The following SRGAP1 variants were observed in gnomAD, a reference collection of about 807,000 sequenced individuals.
SRGAP1 encodes SLIT-ROBO Rho GTPase-activating protein 1.
In SRGAP1, 43 loss-of-function variants were observed where a neutral mutation model predicts 121.9. That is an observed-to-expected ratio of 0.35 (90% CI 0.28 to 0.46). SRGAP1 has a LOEUF of 0.46. Ranked by LOEUF, SRGAP1 falls within the 20% of genes least tolerant of loss-of-function variation. The pLI is 1.00. For missense variants in SRGAP1, 1,102 were observed against 1,350.9 expected (o/e 0.82, Z 2.89); for synonymous variants, 447 against 485.4 (o/e 0.92, Z 1.04).
intron 1 of SRGAP1, among the ~76,000 whole-genome samples, chr12:63,906,992 G>A (rs896500781): frequency 2.6e-5 from 4 of 151,950 alleles, no homozygotes; most frequent in Non-Finnish European, 5.9e-5. Context: ...TTCCAAAATG[G>A]AAACACAAAT....
chr12:63,909,730 G>C (rs1290049611), intron 1 of SRGAP1, among the ~76,000 whole-genome samples: 1 of 152,246 alleles, frequency 6.6e-6, no homozygotes, highest in Admixed American at 6.5e-5. Context: ...GCTTATAACA[G>C]TGTGTATTAA....
At chr12:63,896,039 G>A (rs574574530) in intron 1 of SRGAP1, among the ~76,000 whole-genome samples, 16 of 152,208 alleles carry the variant, frequency 1.1e-4, no homozygotes, top group African/African-American at 3.6e-4. Context: ...GTGGGCTCTG[G>A]AGACAATCAC....
intron 1 of SRGAP1, among the ~76,000 whole-genome samples, chr12:63,979,183 G>A (rs895697716): frequency 2.6e-5 from 4 of 151,668 alleles, no homozygotes; most frequent in Non-Finnish European, 4.4e-5. Flanking sequence ...GGGACTACAG[G>A]TGCACACCAC....
intron 1 of SRGAP1, among the ~76,000 whole-genome samples, chr12:63,946,586 C>T (rs933633927): frequency 3.3e-5 from 5 of 151,230 alleles, no homozygotes; most frequent in African/African-American, 4.9e-5. Context: ...CTCTCTCGCC[C>T]ACGCTGGAGT....
At chr12:63,932,685 C>T (rs1319708708) in intron 1 of SRGAP1, among the ~76,000 whole-genome samples, 1 of 152,186 alleles carries the variant, frequency 6.6e-6, no homozygotes, top group Non-Finnish European at 1.5e-5. Flanking sequence ...TAAGAGTTTA[C>T]TAGTCTGCAG....
At chr12:63,903,849 G>A (rs974282068) in intron 1 of SRGAP1, among the ~76,000 whole-genome samples, 3 of 151,782 alleles carry the variant, frequency 2.0e-5, no homozygotes, top group South Asian at 2.1e-4. Context: ...TGGCCAGGCC[G>A]GTCATGAACT....
At chr12:64,135,920 G>A (rs2036850038) in intron 21 of SRGAP1, among the ~76,000 whole-genome samples, 1 of 152,216 alleles carries the variant, frequency 6.6e-6, no homozygotes, top group Admixed American at 6.5e-5. Context: ...GAGGAGCAAG[G>A]AGTCGGTCCA....
chr12:64,032,290 G>A (rs1218775866), intron 4 of SRGAP1: 4 of 308,996 alleles, frequency 1.3e-5, no homozygotes, highest in South Asian at 3.5e-5. Context: ...TAAACTTGCC[G>A]AGGTTCCATC....
At chr12:64,140,337 T>A (rs1476023586) in intron 21 of SRGAP1, among the ~76,000 whole-genome samples, 3 of 145,988 alleles carry the variant, frequency 2.1e-5, no homozygotes, top group Non-Finnish European at 4.5e-5. Flanking sequence ...TTGGGCAGTA[T>A]GGCCATTTTC....
At chr12:64,043,679 C>A in intron 6 of SRGAP1, 104 bp downstream of exon 6, 4 of 847,376 alleles carry the variant, frequency 4.7e-6, no homozygotes, top group Non-Finnish European at 6.9e-6. Flanking sequence ...TGTTATTTTA[C>A]GTAATACTCA....
intron 21 of SRGAP1, among the ~76,000 whole-genome samples, chr12:64,133,786 A>G (rs1045828290): frequency 1.3e-5 from 2 of 152,002 alleles, no homozygotes; most frequent in Non-Finnish European, 2.9e-5. Flanking sequence ...TGTCCATCCA[A>G]CCTAGAAGTT....
In SRGAP1 at chr12:64,161,843, C is replaced by G. The variant is rs1462152938; in HGVS notation, c.*19171C>G. On this transcript the variant is annotated 3_prime_UTR_variant, in exon 22 of 22. Transcript: ENST00000355086. ...ATCAACAGAGGGACAAATGAATAAGCAAATGTGGTATATTGATACAATGGA... is the reference window on the plus strand; with the variant it reads ...ATCAACAGAGGGACAAATGAATAAGGAAATGTGGTATATTGATACAATGGA... 3 of 152,060 alleles carry G rather than the reference C, an allele frequency of 2.0e-5. No homozygotes were observed. Among genetic ancestry groups the G allele is most frequent in the Admixed American group, 2.0e-4 (3 of 15,264 alleles). The allele number at this position is 152,060 out of a possible 1,614,324, so 9.4% of individuals were successfully genotyped here.
At chr12:63,949,667 T>G (rs1383913721) in intron 1 of SRGAP1, among the ~76,000 whole-genome samples, 1 of 152,026 alleles carries the variant, frequency 6.6e-6, no homozygotes, top group Non-Finnish European at 1.5e-5. Context: ...GACCTCGTGA[T>G]CCGCCCGCCT....
At chr12:64,001,447 A>G (rs1034635758) in intron 3 of SRGAP1, among the ~76,000 whole-genome samples, 3 of 152,188 alleles carry the variant, frequency 2.0e-5, no homozygotes, top group African/African-American at 7.2e-5. Context: ...TCAATGGGAC[A>G]ATGGTAAATG....
At chr12:64,073,371 A>G (rs1253567973) in intron 8 of SRGAP1, among the ~76,000 whole-genome samples, 1 of 152,172 alleles carries the variant, frequency 6.6e-6, no homozygotes, top group African/African-American at 2.4e-5. Flanking sequence ...TCCCATATGT[A>G]AGAACATGGT....
chr12:64,005,660 A>G lies in SRGAP1; in HGVS notation c.427-11290A>G, dbSNP rs377282447. Among the ~76,000 whole-genome samples the G allele has an allele frequency of 1.1e-3, 166 of 151,724 alleles. 1 individual carries two copies. The Middle Eastern group carries it at 0.02, about 19-fold the overall frequency. ...GACCCTGTCTCTTAAAAAAAAATAAAAATAAAAAAAAGTTTTAACTCTTTA... is the reference window on the plus strand; with the variant it reads ...GACCCTGTCTCTTAAAAAAAAATAAGAATAAAAAAAAGTTTTAACTCTTTA... On this transcript the variant is annotated intron_variant, in intron 3 of 21. Coordinates refer to ENST00000355086, the MANE Select transcript of SRGAP1 (RefSeq NM_020762.4).
At chr12:64,078,004 C>T (rs1299141519) in intron 8 of SRGAP1, among the ~76,000 whole-genome samples, 4 of 152,156 alleles carry the variant, frequency 2.6e-5, no homozygotes, top group African/African-American at 9.7e-5. Context: ...ATAATGTGCT[C>T]AATCTCATAT....
chr12:64,050,924 A>G (rs988363519), intron 6 of SRGAP1, among the ~76,000 whole-genome samples: 5 of 152,046 alleles, frequency 3.3e-5, no homozygotes, highest in Non-Finnish European at 7.4e-5. Flanking sequence ...GGGTTTCACC[A>G]TGTTGGCCAG....
chr12:63,924,732 A>T (rs12230334), intron 1 of SRGAP1, among the ~76,000 whole-genome samples: 39,438 of 151,902 alleles, frequency 0.26, 5,511 homozygotes, highest in East Asian at 0.52. Flanking sequence ...CAGAGGGATC[A>T]TTCTCTCAGG....
Sources: allele counts gnomAD v4.1 joint callset (sites outside exome capture counted in the v4.1 genomes callset), GRCh38; gene constraint gnomAD v4.1.1; transcripts MANE v1.5; gene names NCBI Gene and HGNC (gene_info 2026-07-23, HGNC 2026-07-21).